The following CCSER2 variants were observed in gnomAD, a reference collection of about 807,000 sequenced individuals.
The protein encoded by CCSER2 is coiled-coil serine rich protein 2, also known as serine-rich coiled-coil domain-containing protein 2.
In CCSER2, 46 loss-of-function variants were observed where a neutral mutation model predicts 92.3. The ratio of observed to expected loss-of-function variants is 0.50; its 90% CI spans 0.39 to 0.64. The LOEUF (loss-of-function observed/expected upper bound fraction) is 0.64. Ranked by LOEUF, CCSER2 falls within the 30% of genes least tolerant of loss-of-function variation. CCSER2 has a pLI of 0.00. For synonymous variants in CCSER2, 433 were observed against 431.4 expected (o/e 1.00, Z -0.04); for missense variants, 1,244 against 1,238.9 (o/e 1.00, Z -0.06).
At chr10:84,418,034 A>C (rs1016860491) in intron 4 of CCSER2, among the ~76,000 whole-genome samples, 173 bp downstream of exon 4, 13 of 152,200 alleles carry the variant, frequency 8.5e-5, no homozygotes, top group Admixed American at 2.0e-4. Context: ...AAATATTTAA[A>C]ACCTGATTTT....
At chr10:84,500,100 G>T (rs777879456) in intron 9 of CCSER2, 239 of 1,124,678 alleles carry the variant, frequency 2.1e-4, no homozygotes, top group Non-Finnish European at 2.7e-4. Context: ...ACTCTCTGTG[G>T]TCTCCTCTCT....
intron 3 of CCSER2, among the ~76,000 whole-genome samples, chr10:84,410,807 G>A (rs532962639): frequency 6.6e-6 from 1 of 152,214 alleles, no homozygotes; most frequent in East Asian, 1.9e-4. Flanking sequence ...TAATGCTTTT[G>A]GCATTCTCAT....
intron 1 of CCSER2, among the ~76,000 whole-genome samples, chr10:84,355,098 T>C (rs1328749718): frequency 6.6e-6 from 1 of 152,032 alleles, no homozygotes; most frequent in Non-Finnish European, 1.5e-5. Flanking sequence ...TTAACCCATC[T>C]CCCCTTCTTA....
In CCSER2 at chr10:84,497,382, T is replaced by G. The variant is rs532640189; in HGVS notation, c.2326-16067T>G. Among the ~76,000 whole-genome samples the G allele has an allele frequency of 2.0e-5, 3 of 152,374 alleles. No homozygotes were observed. The South Asian group carries it at 6.2e-4, about 32-fold the overall frequency. On this transcript the variant is annotated intron_variant, in intron 9 of 9. Transcript: ENST00000372088. Reference sequence around the variant, plus strand: ...GGCATACAACTGTTTGATAGGCTAATAGATGGGTGCCCCTTGGCGGTGGCA... The same window carrying G: ...GGCATACAACTGTTTGATAGGCTAAGAGATGGGTGCCCCTTGGCGGTGGCA...
chr10:84,398,513 A>T (rs1210102185), intron 3 of CCSER2, among the ~76,000 whole-genome samples: 1 of 152,204 alleles, frequency 6.6e-6, no homozygotes, highest in East Asian at 1.9e-4. Flanking sequence ...AGACACGCCA[A>T]AATGAAACAA....
At chr10:84,457,728 ATT>A (rs1200567561) in intron 6 of CCSER2, among the ~76,000 whole-genome samples, 1 of 88,774 alleles carries the variant, frequency 1.1e-5, no homozygotes, top group African/African-American at 5.1e-5. Flanking sequence ...AATATATAAA[ATT>A]TTGTTTGTTT....
intron 4 of CCSER2, among the ~76,000 whole-genome samples, chr10:84,420,145 G>T (rs1288258183): frequency 1.3e-5 from 2 of 152,258 alleles, no homozygotes; most frequent in East Asian, 3.9e-4. Context: ...AGAAAGAAAG[G>T]ATCTTAGAGC....
At chr10:84,509,082 GCAGT>G (rs1329498673) in intron 9 of CCSER2, among the ~76,000 whole-genome samples, 1 of 152,196 alleles carries the variant, frequency 6.6e-6, no homozygotes, top group African/African-American at 2.4e-5. Flanking sequence ...TGTATAACAT[GCAGT>G]CAGTATTTCC....
chr10:84,450,251 T>G (rs1845193271), intron 6 of CCSER2, among the ~76,000 whole-genome samples: 1 of 152,226 alleles, frequency 6.6e-6, no homozygotes, highest in East Asian at 1.9e-4. Context: ...TAAAACCGGT[T>G]AGTGGGTCTT....
chr10:84,501,834 A>AT lies in CCSER2; in HGVS notation c.2326-11615_2326-11614insT, dbSNP rs1554868294. Among the ~76,000 whole-genome samples the AT allele has an allele frequency of 2.6e-3, 105 of 40,154 alleles. 8 individuals carry two copies. The highest frequency in any genetic ancestry group is 4.9e-3 in the South Asian group (5 of 1,024). 26.3% of individuals were successfully genotyped at this position (40,154 alleles called of 152,430 possible). On this transcript the variant is annotated intron_variant, in intron 9 of 9. Transcript: ENST00000372088. ...TTAGTCATCTAGGGAAAAAAAAAAA[A>AT]ATATATATATATATATATATATATA...
At chr10:84,481,934 G>C (rs1847483168) in intron 9 of CCSER2, among the ~76,000 whole-genome samples, 1 of 152,044 alleles carries the variant, frequency 6.6e-6, no homozygotes, top group South Asian at 2.1e-4. Context: ...TGTGACTGTT[G>C]AGCACTTGAA....
chr10:84,465,147 A>G (rs1167450982), intron 7 of CCSER2, among the ~76,000 whole-genome samples: 1 of 150,764 alleles, frequency 6.6e-6, no homozygotes, highest in Non-Finnish European at 1.5e-5. Context: ...CCATTGACTT[A>G]GGTAATCTCT....
intron 1 of CCSER2, among the ~76,000 whole-genome samples, chr10:84,364,645 G>C (rs1845681700): frequency 1.3e-5 from 2 of 152,050 alleles, no homozygotes; most frequent in African/African-American, 4.8e-5. Context: ...AATATTTGCT[G>C]CTGCTTTTCC....
chr10:84,516,818 A>C lies in CCSER2; in HGVS notation c.*2551A>C, dbSNP rs541510647. On this transcript the variant is annotated 3_prime_UTR_variant, in exon 10 of 10. Coordinates refer to ENST00000372088, the MANE Select transcript of CCSER2 (RefSeq NM_001284240.2). ...CTTTTCTCTACCTTTGTTGAGTCTT[A>C]ATCTTTTAGAAGATAGGCTTATCGT... 6.6e-6 allele frequency: 1 copy of C among 152,266 alleles called. No individual in the cohort carries two copies. The highest frequency in any genetic ancestry group is 2.1e-4 in the South Asian group (1 of 4,820). The allele number at this position is 152,266 out of a possible 1,614,324, so 9.4% of individuals were successfully genotyped here.
chr10:84,438,047 T>C, intron 5 of CCSER2, among the ~76,000 whole-genome samples: 1 of 152,204 alleles, frequency 6.6e-6, no homozygotes. Context: ...TCATCTTAAC[T>C]GCCTGTTGAG....
chr10:84,329,217 A>T (rs957802409), intron 1 of CCSER2, among the ~76,000 whole-genome samples: 2 of 152,192 alleles, frequency 1.3e-5, no homozygotes, highest in Non-Finnish European at 2.9e-5. Context: ...AATGAAAGAC[A>T]CACCCTAAAA....
At chr10:84,400,328 G>A (rs2133309592) in intron 3 of CCSER2, among the ~76,000 whole-genome samples, 1 of 152,174 alleles carries the variant, frequency 6.6e-6, no homozygotes, top group Non-Finnish European at 1.5e-5. Flanking sequence ...TTATCCTTAT[G>A]TTTTTGTTTC....
intron 3 of CCSER2, among the ~76,000 whole-genome samples, chr10:84,414,580 A>AT (rs765840361): frequency 0.017 from 2,304 of 138,778 alleles, 51 homozygotes; most frequent in African/African-American, 0.045. Context: ...TGCCCTTAAC[A>AT]TTTTTTTTTT....
intron 3 of CCSER2, among the ~76,000 whole-genome samples, chr10:84,404,328 C>T (rs1319826865): frequency 1.3e-5 from 2 of 152,226 alleles, no homozygotes; most frequent in East Asian, 1.9e-4. Flanking sequence ...GTATTCTCAG[C>T]TTACTAACAA....
Sources: allele counts gnomAD v4.1 joint callset (sites outside exome capture counted in the v4.1 genomes callset), GRCh38; gene constraint gnomAD v4.1.1; transcripts MANE v1.5; gene names NCBI Gene and HGNC (gene_info 2026-07-23, HGNC 2026-07-21).